NFIB: variants seen among roughly 807,000 people sequenced by gnomAD.
The protein encoded by NFIB is nuclear factor I B.
In NFIB, 11 loss-of-function variants were observed where a neutral mutation model predicts 61.5. That is an observed-to-expected ratio of 0.18 (90% confidence interval 0.11 to 0.30). The LOEUF (loss-of-function observed/expected upper bound fraction) is 0.30. Among genes scored for constraint, NFIB ranks in the 10% least tolerant of loss-of-function variants. NFIB has a pLI of 1.00. For missense variants in NFIB, 471 were observed against 608.9 expected, an observed-to-expected ratio of 0.77 and a Z score of 2.38; for synonymous variants, 260 against 216.5, an observed-to-expected ratio of 1.20 and a Z score of -1.76.
chr9:14,440,547 T>C, the NFIB span, among the ~76,000 whole-genome samples: 2 of 152,202 alleles, frequency 1.3e-5, no homozygotes, highest in African/African-American at 4.8e-5. Context: ...CAATCTCTCC[T>C]GATTAAAGCG....
chr9:14,096,283 C>T (rs1050996524), intron 10 of NFIB: 9 of 152,108 alleles, frequency 5.9e-5, no homozygotes, highest in African/African-American at 2.2e-4. Context: ...TTCAGAATCA[C>T]GCTCCTCCCT....
intron 1 of NFIB, among the ~76,000 whole-genome samples, chr9:14,352,992 CT>C (rs2061132138): frequency 6.6e-6 from 1 of 152,124 alleles, no homozygotes; most frequent in Non-Finnish European, 1.5e-5. Context: ...AATCAGGAGA[CT>C]TTGGCAAGGG....
rs1160673372 is a variant in NFIB, at chr9:14,112,947, CACGGAA to C, written c.1467+46_1467+51del. On this transcript the variant is annotated intron_variant, in intron 10 of 10. Transcript: ENST00000380953. ...GGATCTGAGAGGCAACATGGAGAAG[CACGGAA>C]GCGAAAGCGTGGCTACACCGTCACA... 6.6e-6 allele frequency: 10 copies of C among 1,519,082 alleles called. No individual in the cohort carries two copies. In the Admixed American group the frequency reaches 9.9e-5, roughly 15 times the overall value. 94.1% of individuals were successfully genotyped at this position (1,519,082 alleles called of 1,614,324 possible).
intron 2 of NFIB, among the ~76,000 whole-genome samples, chr9:14,274,705 C>T (rs1456544672): frequency 2.0e-5 from 3 of 152,288 alleles, no homozygotes; most frequent in Non-Finnish European, 4.4e-5. Flanking sequence ...AACTATCCAA[C>T]ATGAGGCACA....
intron 1 of NFIB, among the ~76,000 whole-genome samples, chr9:14,387,513 G>A (rs144420394): frequency 2.6e-4 from 40 of 152,272 alleles, no homozygotes; most frequent in African/African-American, 8.7e-4. Flanking sequence ...TTAAAAATCA[G>A]TGAGAAGAAG....
At chr9:14,465,957 C>G in the NFIB span, among the ~76,000 whole-genome samples, 1 of 152,164 alleles carries the variant, frequency 6.6e-6, no homozygotes, top group East Asian at 1.9e-4. Flanking sequence ...TCTAATGAAG[C>G]TCATGGAGGT....
intron 1 of NFIB, among the ~76,000 whole-genome samples, chr9:14,350,248 C>A (rs1050325387): frequency 2.0e-5 from 3 of 152,166 alleles, no homozygotes; most frequent in Admixed American, 2.0e-4. Context: ...CACGGAAAAG[C>A]AAAGCACAGA....
At chr9:14,421,103 G>T in the NFIB span, among the ~76,000 whole-genome samples, 1 of 140,840 alleles carries the variant, frequency 7.1e-6, no homozygotes, top group Non-Finnish European at 1.6e-5. Flanking sequence ...AAAAAATAAG[G>T]CATGTATACC....
intron 7 of NFIB, among the ~76,000 whole-genome samples, chr9:14,124,127 GAACA>G (rs1279345257): frequency 6.6e-6 from 1 of 152,140 alleles, no homozygotes; most frequent in Non-Finnish European, 1.5e-5. Flanking sequence ...TACAGATACA[GAACA>G]AATATCGGGT....
At chr9:14,141,543 T>G (rs1335560526) in intron 6 of NFIB, among the ~76,000 whole-genome samples, 1 of 152,162 alleles carries the variant, frequency 6.6e-6, no homozygotes, top group Admixed American at 6.5e-5. Flanking sequence ...TTTTTCTAAA[T>G]AGTAAAAGTT....
intron 10 of NFIB, among the ~76,000 whole-genome samples, chr9:14,111,686 A>G (rs1414177385): frequency 6.6e-6 from 1 of 152,202 alleles, no homozygotes; most frequent in Non-Finnish European, 1.5e-5. Context: ...AAAAAGCAAC[A>G]TTCCAGAGAA....
chr9:14,105,958 G>C (rs981692400), intron 10 of NFIB, among the ~76,000 whole-genome samples: 2 of 151,956 alleles, frequency 1.3e-5, no homozygotes, highest in African/African-American at 4.8e-5. Context: ...ATCAGTGTTA[G>C]GTAATTCAGC....
At chr9:14,289,195 T>C (rs1361482112) in intron 2 of NFIB, among the ~76,000 whole-genome samples, 2 of 143,372 alleles carry the variant, frequency 1.4e-5, no homozygotes, top group Non-Finnish European at 3.0e-5. Context: ...ATATATAATA[T>C]ATACCAAATA....
At chr9:14,498,321 T>C in the NFIB span, among the ~76,000 whole-genome samples, 1 of 152,210 alleles carries the variant, frequency 6.6e-6, no homozygotes, top group Non-Finnish European at 1.5e-5. Context: ...AGGGTTTGTG[T>C]GAATCTCACA....
chr9:14,156,569 T>A (rs530332006), intron 3 of NFIB, among the ~76,000 whole-genome samples: 3 of 152,294 alleles, frequency 2.0e-5, no homozygotes, highest in Admixed American at 2.0e-4. Context: ...CAAATGGTGG[T>A]GAATCCAGGC....
intron 2 of NFIB, among the ~76,000 whole-genome samples, chr9:14,259,854 G>A (rs183271778): frequency 2.0e-5 from 3 of 152,280 alleles, no homozygotes; most frequent in Admixed American, 1.3e-4. Context: ...GCAGTCAGCT[G>A]AGATAGCACC....
chr9:14,477,528 T>C, the NFIB span, among the ~76,000 whole-genome samples: 6 of 152,100 alleles, frequency 3.9e-5, no homozygotes, highest in Non-Finnish European at 7.4e-5. Flanking sequence ...TAATTCCTCA[T>C]GGTATGTGGC....
At chr9:14,204,916 C>G in intron 2 of NFIB, 1 of 361,272 alleles carries the variant, frequency 2.8e-6, no homozygotes, top group Middle Eastern at 9.9e-4. Context: ...CTATCAGAAC[C>G]AATTACAACG....
At chr9:14,194,793 T>A (rs2048305982) in intron 2 of NFIB, among the ~76,000 whole-genome samples, 1 of 152,080 alleles carries the variant, frequency 6.6e-6, no homozygotes, top group Non-Finnish European at 1.5e-5. Flanking sequence ...AGAACTAAGC[T>A]CCACCTTCAA....
Sources: allele counts gnomAD v4.1 joint callset (sites outside exome capture counted in the v4.1 genomes callset), GRCh38; gene constraint gnomAD v4.1.1; transcripts MANE v1.5; gene names NCBI Gene and HGNC (gene_info 2026-07-23, HGNC 2026-07-21).